The following CCDC148 variants were observed in gnomAD, a reference collection of about 807,000 sequenced individuals.
CCDC148 encodes coiled-coil domain-containing protein 148.
Under a neutral mutation model 85.7 loss-of-function variants are expected in CCDC148, and 89 were observed. The ratio of observed to expected loss-of-function variants is 1.04; its 90% CI spans 0.87 to 1.24. The LOEUF (loss-of-function observed/expected upper bound fraction) is 1.24, where lower values mean the gene tolerates loss of function less well. CCDC148 is among the 50% of genes most tolerant of loss of function. The probability of loss-of-function intolerance (pLI) is 0.00; values close to 1 mark genes in which losing one functional copy is unlikely to be tolerated. For missense variants in CCDC148, 692 were observed against 671.7 expected (o/e 1.03, Z -0.33); for synonymous variants, 230 against 213.9 (o/e 1.08, Z -0.66).
intron 9 of CCDC148, among the ~76,000 whole-genome samples, chr2:158,282,957 C>G (rs535215175): frequency 1.3e-5 from 2 of 152,100 alleles, no homozygotes; most frequent in African/African-American, 4.8e-5. Context: ...CAGAACAGAG[C>G]CCTCGGAAAT....
chr2:158,226,383 G>A lies in CCDC148; in HGVS notation c.1252-5670C>T, dbSNP rs114334248. Among the ~76,000 whole-genome samples the A allele has an allele frequency of 9.4e-3, 1,437 of 152,242 alleles. 23 individuals are homozygous for A. Among genetic ancestry groups the A allele is most frequent in the African/African-American group, 0.033 (1,379 of 41,538 alleles). On this transcript the variant is annotated intron_variant, in intron 10 of 13. Transcript: ENST00000283233. ...CCATATTCTATCAGAGGTATAAGGA[G>A]GAGCCGGTACCATTCTTTCTGAAAC...
chr2:158,278,583 C>T (rs1202961961), intron 9 of CCDC148, among the ~76,000 whole-genome samples: 15 of 152,180 alleles, frequency 9.9e-5, no homozygotes, highest in Admixed American at 4.6e-4. Flanking sequence ...GAGGGGCGCC[C>T]GCCATTGCCC....
intron 9 of CCDC148, among the ~76,000 whole-genome samples, chr2:158,259,865 A>T (rs1689149873): frequency 6.6e-6 from 1 of 151,824 alleles, no homozygotes; most frequent in Non-Finnish European, 1.5e-5. Context: ...TTGCCTGGAA[A>T]GCTCTCATTC....
At chr2:158,175,731 A>G (rs1476599566) in intron 13 of CCDC148, among the ~76,000 whole-genome samples, 1 of 152,094 alleles carries the variant, frequency 6.6e-6, no homozygotes. Context: ...TGCCGCACAA[A>G]GTAGAGACAT....
chr2:158,322,002 C>T (rs1692539757), intron 7 of CCDC148, among the ~76,000 whole-genome samples: 1 of 152,130 alleles, frequency 6.6e-6, no homozygotes, highest in African/African-American at 2.4e-5. Context: ...ATCTCCAATG[C>T]CCTGATCTCC....
At chr2:158,351,094 A>C (rs540307885) in intron 2 of CCDC148, among the ~76,000 whole-genome samples, 1 of 152,256 alleles carries the variant, frequency 6.6e-6, no homozygotes, top group East Asian at 1.9e-4. Flanking sequence ...ATCAAATCCT[A>C]TTATACACCA....
intron 10 of CCDC148, among the ~76,000 whole-genome samples, chr2:158,223,569 C>G (rs868510984): frequency 2.3e-4 from 35 of 152,306 alleles, no homozygotes; most frequent in African/African-American, 7.5e-4. Flanking sequence ...GAGGCACCCC[C>G]CAGTAGGGGC....
intron 11 of CCDC148, among the ~76,000 whole-genome samples, chr2:158,181,617 AAAG>A (rs1204168203): frequency 6.6e-6 from 1 of 152,178 alleles, no homozygotes; most frequent in Non-Finnish European, 1.5e-5. Context: ...TTTAAGATCC[AAAG>A]AAGGAGCAGG....
At chr2:158,323,414 T>C (rs1369187675) in intron 7 of CCDC148, among the ~76,000 whole-genome samples, 2 of 152,246 alleles carry the variant, frequency 1.3e-5, no homozygotes, top group African/African-American at 2.4e-5. Flanking sequence ...CACTTTAAAA[T>C]AAATTTCACC....
chr2:158,419,080 T>G (rs777969521), intron 1 of CCDC148, among the ~76,000 whole-genome samples: 9 of 152,158 alleles, frequency 5.9e-5, no homozygotes, highest in African/African-American at 1.4e-4. Flanking sequence ...GGACTGAGTT[T>G]TTTCCTGTGG....
chr2:158,226,815 A>G (rs1233506926), intron 10 of CCDC148, among the ~76,000 whole-genome samples: 1 of 152,136 alleles, frequency 6.6e-6, no homozygotes, highest in Non-Finnish European at 1.5e-5. Flanking sequence ...TCAAAATAAT[A>G]AGAGCTATCT....
intron 10 of CCDC148, among the ~76,000 whole-genome samples, chr2:158,228,311 A>G (rs890499958): frequency 2.6e-5 from 4 of 152,112 alleles, no homozygotes; most frequent in Admixed American, 6.5e-5. Flanking sequence ...GGAAACAACA[A>G]GTGCTGGAGA....
intron 10 of CCDC148, among the ~76,000 whole-genome samples, chr2:158,241,961 A>C (rs1326264598): frequency 1.3e-5 from 2 of 152,200 alleles, no homozygotes; most frequent in African/African-American, 4.8e-5. Flanking sequence ...TAATCAGTAC[A>C]TTTTGTTGAT....
intron 9 of CCDC148, among the ~76,000 whole-genome samples, chr2:158,268,711 A>C (rs899339642): frequency 6.6e-6 from 1 of 152,088 alleles, no homozygotes; most frequent in Non-Finnish European, 1.5e-5. Context: ...GAAAGTATGT[A>C]CCCTTTGACT....
intron 7 of CCDC148, among the ~76,000 whole-genome samples, chr2:158,335,471 A>T (rs1024479979): frequency 2.0e-5 from 3 of 152,174 alleles, no homozygotes; most frequent in Non-Finnish European, 4.4e-5. Context: ...GTAATTTATA[A>T]AAGAAAGATG....
chr2:158,192,584 G>C (rs1180795675), intron 11 of CCDC148, among the ~76,000 whole-genome samples: 1 of 152,060 alleles, frequency 6.6e-6, no homozygotes, highest in African/African-American at 2.4e-5. Flanking sequence ...AGGTGGTTGT[G>C]TCTCTTTGTT....
chr2:158,313,928 G>C (rs1252946397), intron 7 of CCDC148, 34 bp from the exon 8 acceptor site: 1 of 1,587,662 alleles, frequency 6.3e-7, no homozygotes. Context: ...ACATATTATT[G>C]AGCAATCATG....
chr2:158,292,697 A>C (rs1690950160), intron 9 of CCDC148, among the ~76,000 whole-genome samples: 1 of 152,226 alleles, frequency 6.6e-6, no homozygotes, highest in Non-Finnish European at 1.5e-5. Context: ...TTGCTGGAGA[A>C]AAGTATATAT....
At chr2:158,231,971 C>T (rs1236992894) in intron 10 of CCDC148, among the ~76,000 whole-genome samples, 2 of 152,180 alleles carry the variant, frequency 1.3e-5, no homozygotes, top group Non-Finnish European at 2.9e-5. Flanking sequence ...GGGTATTTAA[C>T]TAGTCCTTTG....
Sources: gnomAD v4.1 joint callset for allele counts (sites outside exome capture counted in the v4.1 genomes callset) on GRCh38, gnomAD v4.1.1 for gene constraint, MANE v1.5 for transcripts, NCBI Gene and HGNC (gene_info 2026-07-23, HGNC 2026-07-21) for gene names.